EFHB: variants seen among roughly 807,000 people sequenced by gnomAD.
EFHB encodes EF-hand domain-containing family member B.
Under a neutral mutation model 87.2 loss-of-function variants are expected in EFHB, and 91 were observed. That is an observed-to-expected ratio of 1.04 (90% CI 0.88 to 1.24). The LOEUF (loss-of-function observed/expected upper bound fraction) is 1.24. EFHB is among the 50% of genes most tolerant of loss of function. EFHB has a pLI of 0.00. For missense variants in EFHB, 1,084 were observed against 998.8 expected, an observed-to-expected ratio of 1.09 and a Z score of -1.15; for synonymous variants, 325 against 333.6, an observed-to-expected ratio of 0.97 and a Z score of 0.28.
Position 19,934,068 on chromosome 3 carries a change from G to T in EFHB, c.-50C>A. ...TCTCCAAGAGCGCTCATCTCTAAGGGGAAAGCTGTACCTGGCTACAAAGAC... is the reference window on the plus strand; with the variant it reads ...TCTCCAAGAGCGCTCATCTCTAAGGTGAAAGCTGTACCTGGCTACAAAGAC... On this transcript the variant is annotated 5_prime_UTR_variant, in exon 1 of 13. Coordinates refer to ENST00000295824, the MANE Select transcript of EFHB (RefSeq NM_144715.4). 6.5e-7 allele frequency: 1 copy of T among 1,532,074 alleles called. No homozygotes were observed. 94.9% of individuals were successfully genotyped at this position (1,532,074 alleles called of 1,614,324 possible).
Position 19,884,472 on chromosome 3 carries a change from TATC to T in EFHB, c.2074_2076del (p.Asp692del). ...GTTGTCTTATAGTAGTTGGAAACTT[TATC>T]ACTTGGTCTCAGAAGTGTCCGGAGA... is the stretch of plus-strand genomic sequence containing the variant. On this transcript the variant is annotated inframe_deletion, in exon 11 of 13. Transcript: ENST00000295824. The T allele has an allele frequency of 6.2e-7, 1 of 1,613,992 alleles. No homozygotes were observed.
Position 19,888,494 on chromosome 3 carries a change from C to T in EFHB, c.1883G>A (p.Trp628Ter). Residue 628 changes from tryptophan (W) to a stop codon, truncating the protein, a stop_gained, in exon 10 of 13, where the codon TGG becomes TAG. Coordinates refer to ENST00000295824, the MANE Select transcript of EFHB (RefSeq NM_144715.4). LOFTEE classifies it high-confidence loss of function. ...NYLEFANFLN[W>*]KDKMLLKEYE... ...CTCTTTAAGAAGCATTTTGTCTTTC[C>T]AGTTAAGAAAATTTGCGAATTCCAG... is the stretch of plus-strand genomic sequence containing the variant. 6.4e-7 allele frequency: 1 copy of T among 1,572,070 alleles called. No homozygotes were observed. The highest frequency in any genetic ancestry group is 8.6e-7 in the Non-Finnish European group (1 of 1,156,724).
intron 5 of EFHB, 117 bp downstream of exon 5, chr3:19,915,186 T>C (rs965328802): frequency 1.9e-5 from 12 of 636,178 alleles, no homozygotes; most frequent in Non-Finnish European, 2.0e-5. Context: ...AATAATATTG[T>C]ATTAGTTACC....
intron 5 of EFHB, among the ~76,000 whole-genome samples, chr3:19,914,896 C>A (rs192094354): frequency 6.6e-6 from 1 of 151,876 alleles, no homozygotes; most frequent in Non-Finnish European, 1.5e-5. Flanking sequence ...TTCAGAACAG[C>A]GTGGACAACA....
rs1247140841 is a variant in EFHB, at chr3:19,920,685, C to T, written c.790-118G>A. The T allele has an allele frequency of 8.5e-6, 6 of 704,860 alleles. No homozygotes were observed. The East Asian group carries it at 1.5e-4, about 17-fold the overall frequency. The allele number at this position is 704,860 out of a possible 1,614,324, so 43.7% of individuals were successfully genotyped here. On this transcript the variant is annotated intron_variant, in intron 1 of 12. Coordinates refer to ENST00000295824, the MANE Select transcript of EFHB (RefSeq NM_144715.4). ...AGGCTACAAAGTTACTTTTGACTAA[C>T]ATAAAAAAGGAAGAACAAATAGTAA...
At chr3:19,923,679 T>C (rs62279142) in intron 1 of EFHB, among the ~76,000 whole-genome samples, 1 of 152,056 alleles carries the variant, frequency 6.6e-6, no homozygotes, top group African/African-American at 2.4e-5. Context: ...CCAGCCTGCC[T>C]AATGTTTTAA....
chr3:19,892,982 C>T (rs954645015), intron 9 of EFHB, among the ~76,000 whole-genome samples: 6 of 150,048 alleles, frequency 4.0e-5, no homozygotes, highest in South Asian at 2.1e-4. Context: ...GATGGAGTCT[C>T]GCTTTGTTGC....
At chr3:19,918,204 T>C (rs944201528) in intron 4 of EFHB, 28 bp downstream of exon 4, 7 of 1,542,198 alleles carry the variant, frequency 4.5e-6, no homozygotes, top group Non-Finnish European at 6.1e-6. Flanking sequence ...ACCAGCCCCT[T>C]CCCACCCCTT....
intron 1 of EFHB, among the ~76,000 whole-genome samples, chr3:19,929,429 G>C (rs1218295678): frequency 6.6e-6 from 1 of 151,946 alleles, no homozygotes; most frequent in Non-Finnish European, 1.5e-5. Context: ...GGCTTGGCCA[G>C]GTGTGGTGGC....
Position 19,933,609 on chromosome 3 carries a change from G to A in EFHB, c.410C>T (p.Ser137Leu). The A allele has an allele frequency of 6.2e-7, 1 of 1,613,992 alleles. No homozygotes were observed. The highest frequency in any genetic ancestry group is 8.5e-7 in the Non-Finnish European group (1 of 1,179,896). Reference sequence around the variant, plus strand: ...AGCTCTCCTGCTCCCTGCAGCCTGTGAACTTCCACACACCCTGCCCAAAGG... The same window carrying A: ...AGCTCTCCTGCTCCCTGCAGCCTGTAAACTTCCACACACCCTGCCCAAAGG... Reference protein sequence around the residue: ...QPPLGRVCGSSQAAGSRRAPL... With the variant: ...QPPLGRVCGSLQAAGSRRAPL... Residue 137 changes from serine to leucine, a missense_variant, in exon 1 of 13, where the codon TCA becomes TTA. Coordinates refer to ENST00000295824, the MANE Select transcript of EFHB (RefSeq NM_144715.4).
At chr3:19,917,664 T>C (rs1373377321) in intron 4 of EFHB, among the ~76,000 whole-genome samples, 1 of 152,110 alleles carries the variant, frequency 6.6e-6, no homozygotes, top group East Asian at 1.9e-4. Flanking sequence ...GAGGGAAGAA[T>C]GGCCTGTGAT....
At chr3:19,943,458 T>C (rs1696205280) in intron 1 of EFHB, 1 of 152,990 alleles carries the variant, frequency 6.5e-6, no homozygotes, top group Admixed American at 6.5e-5. Flanking sequence ...TTCAATTCAT[T>C]CATTCATTCT....
chr3:19,899,120 G>A (rs1193653519), intron 7 of EFHB, among the ~76,000 whole-genome samples: 2 of 152,092 alleles, frequency 1.3e-5, no homozygotes, highest in Non-Finnish European at 2.9e-5. Context: ...TATAAATAGA[G>A]AGCAAGACAG....
upstream of EFHB, chr3:19,936,260 G>A: frequency 1.4e-6 from 1 of 726,442 alleles, no homozygotes; most frequent in South Asian, 1.5e-5. Context: ...TGAAGTGGGA[G>A]GATCACTTGA....
At chr3:19,939,626 C>T (rs547841891) in intron 1 of EFHB, among the ~76,000 whole-genome samples, 35 of 152,062 alleles carry the variant, frequency 2.3e-4, no homozygotes, top group African/African-American at 6.5e-4. Flanking sequence ...CCTCGTGATC[C>T]GCCCGCCTCG....
chr3:19,901,949 C>CA (rs200520648), intron 6 of EFHB, among the ~76,000 whole-genome samples: 1,460 of 120,442 alleles, frequency 0.012, 22 homozygotes, highest in East Asian at 0.063. Context: ...AACTCTGTCT[C>CA]AAAAAAAAAA....
At chr3:19,885,522 T>C (rs189175470) in intron 10 of EFHB, among the ~76,000 whole-genome samples, 33 of 152,374 alleles carry the variant, frequency 2.2e-4, no homozygotes, top group African/African-American at 7.7e-4. Flanking sequence ...TTCTGAAATT[T>C]AGGAATAAAT....
chr3:19,926,594 A>C (rs896450371), intron 1 of EFHB, among the ~76,000 whole-genome samples: 2 of 151,740 alleles, frequency 1.3e-5, no homozygotes, highest in African/African-American at 4.8e-5. Flanking sequence ...CGATCTCCTG[A>C]CTTCGTGATC....
chr3:19,887,888 G>GT (rs2125120655), intron 10 of EFHB, among the ~76,000 whole-genome samples: 3 of 152,158 alleles, frequency 2.0e-5, no homozygotes, highest in Admixed American at 2.0e-4. Context: ...TCAGATAATC[G>GT]TTTTTAAACA....
Sources: gnomAD v4.1 joint callset for allele counts (sites outside exome capture counted in the v4.1 genomes callset) on GRCh38, gnomAD v4.1.1 for gene constraint, MANE v1.5 for transcripts, NCBI Gene and HGNC (gene_info 2026-07-23, HGNC 2026-07-21) for gene names.